SGCZ: variants seen among roughly 807,000 people sequenced by gnomAD.
SGCZ encodes the protein zeta-sarcoglycan.
In SGCZ, 40 loss-of-function variants were observed where a neutral mutation model predicts 41.3. The observed-to-expected ratio is 0.97, with a 90% confidence interval of 0.75 to 1.26. The LOEUF (loss-of-function observed/expected upper bound fraction) is 1.26, where lower values mean the gene tolerates loss of function less well. Among genes scored for constraint, SGCZ ranks in the 50% most tolerant of loss-of-function variants. The pLI, the probability that SGCZ is intolerant of heterozygous loss-of-function variation, is 0.00. For missense variants in SGCZ, 552 were observed against 369.8 expected (o/e 1.49, Z -4.04); for synonymous variants, 206 against 137.5 (o/e 1.50, Z -3.49).
chr8:14,222,847 C>T (rs1451719700), intron 4 of SGCZ, among the ~76,000 whole-genome samples: 2 of 118,556 alleles, frequency 1.7e-5, no homozygotes, highest in African/African-American at 6.8e-5. Context: ...GAGTCTTGCT[C>T]TGTCGCCCAG....
intron 2 of SGCZ, among the ~76,000 whole-genome samples, chr8:14,351,071 C>T (rs1803074775): frequency 6.6e-6 from 1 of 152,024 alleles, no homozygotes; most frequent in African/African-American, 2.4e-5. Context: ...TCTGTAGTGG[C>T]ATTTTGTTTA....
At chr8:14,840,892 C>A (rs867553284) in intron 1 of SGCZ, among the ~76,000 whole-genome samples, 1 of 151,918 alleles carries the variant, frequency 6.6e-6, no homozygotes, top group South Asian at 2.1e-4. Context: ...AATAGCAACT[C>A]CCATAATAAT....
chr8:14,560,792 T>C (rs1020698228), intron 1 of SGCZ, among the ~76,000 whole-genome samples: 3 of 152,042 alleles, frequency 2.0e-5, no homozygotes, highest in Non-Finnish European at 2.9e-5. Flanking sequence ...TTGGTAACTA[T>C]ATCAAATGCC....
chr8:14,495,477 A>T (rs1801962599), intron 2 of SGCZ, among the ~76,000 whole-genome samples: 1 of 152,222 alleles, frequency 6.6e-6, no homozygotes, highest in Non-Finnish European at 1.5e-5. Context: ...TCACTGAAAA[A>T]GTCTGGCTTT....
chr8:14,385,126 G>A (rs1166814297), intron 2 of SGCZ, among the ~76,000 whole-genome samples: 5 of 152,046 alleles, frequency 3.3e-5, no homozygotes, highest in African/African-American at 7.2e-5. Flanking sequence ...GGTTTGTATC[G>A]TTTGGTGATT....
At chr8:14,352,730 C>A (rs1487544727) in intron 2 of SGCZ, among the ~76,000 whole-genome samples, 3 of 152,072 alleles carry the variant, frequency 2.0e-5, no homozygotes, top group Non-Finnish European at 4.4e-5. Context: ...AATATACCTG[C>A]CTATTTTTGC....
chr8:14,143,573 A>G (rs951718447), intron 5 of SGCZ, among the ~76,000 whole-genome samples: 3 of 152,214 alleles, frequency 2.0e-5, no homozygotes, highest in Non-Finnish European at 4.4e-5. Context: ...TTGGAGGTAG[A>G]GCAAGATAGC....
At chr8:14,868,086 C>T (rs77102603) in intron 1 of SGCZ, among the ~76,000 whole-genome samples, 2,127 of 152,242 alleles carry the variant, frequency 0.014, 24 homozygotes, top group African/African-American at 0.035. Flanking sequence ...GTGTCAAACT[C>T]TTTCACACTT....
At chr8:15,194,854 A>T (rs1193834701) in intron 1 of SGCZ, among the ~76,000 whole-genome samples, 1 of 152,176 alleles carries the variant, frequency 6.6e-6, no homozygotes, top group Non-Finnish European at 1.5e-5. Flanking sequence ...CCCAACCTAT[A>T]AGGTAAGTTT....
At chr8:14,854,369 T>C (rs928370539) in intron 1 of SGCZ, among the ~76,000 whole-genome samples, 6 of 152,028 alleles carry the variant, frequency 3.9e-5, no homozygotes, top group Middle Eastern at 3.4e-3. Context: ...ATCAAAAATA[T>C]ATAATTTGTA....
intron 1 of SGCZ, among the ~76,000 whole-genome samples, chr8:14,858,057 G>C (rs1585323547): frequency 6.6e-6 from 1 of 152,016 alleles, no homozygotes; most frequent in Admixed American, 6.6e-5. Context: ...ATTTATTAGA[G>C]TCTCTGTTAT....
At chr8:14,106,565 A>G (rs1026311721) in intron 6 of SGCZ, among the ~76,000 whole-genome samples, 1 of 152,296 alleles carries the variant, frequency 6.6e-6, no homozygotes. Flanking sequence ...TGACTAAAAA[A>G]TTTACTGTTG....
At chr8:14,122,844 G>A (rs1802742615) in intron 5 of SGCZ, among the ~76,000 whole-genome samples, 1 of 151,920 alleles carries the variant, frequency 6.6e-6, no homozygotes, top group Admixed American at 6.6e-5. Context: ...CATCTTAAAG[G>A]TTTCTATTTT....
chr8:14,976,253 C>A (rs549664169), intron 1 of SGCZ, among the ~76,000 whole-genome samples: 2 of 151,988 alleles, frequency 1.3e-5, no homozygotes, highest in East Asian at 1.9e-4. Flanking sequence ...AAACTCCTGA[C>A]CTCAAGTGAT....
chr8:14,904,783 C>T (rs1294044322), intron 1 of SGCZ, among the ~76,000 whole-genome samples: 1 of 151,892 alleles, frequency 6.6e-6, no homozygotes, highest in Admixed American at 6.6e-5. Context: ...ATTTATTTTA[C>T]ACTTTTTGCC....
At chr8:14,349,535 A>G (rs1429979312) in intron 2 of SGCZ, among the ~76,000 whole-genome samples, 1 of 152,124 alleles carries the variant, frequency 6.6e-6, no homozygotes, top group East Asian at 1.9e-4. Flanking sequence ...TAAGAAGCAT[A>G]TGTGTCATCT....
At chr8:14,532,992 T>C (rs186870996) in intron 2 of SGCZ, among the ~76,000 whole-genome samples, 12 of 152,044 alleles carry the variant, frequency 7.9e-5, no homozygotes, top group African/African-American at 1.7e-4. Context: ...AATTGCATTA[T>C]TTCTTTGTTA....
intron 1 of SGCZ, among the ~76,000 whole-genome samples, chr8:14,913,696 TA>T (rs1321056856): frequency 6.6e-6 from 1 of 152,098 alleles, no homozygotes; most frequent in Non-Finnish European, 1.5e-5. Context: ...ATGTGTGGGA[TA>T]TATTTAATAA....
At chr8:14,545,419 T>C (rs1170079183) in intron 2 of SGCZ, among the ~76,000 whole-genome samples, 1 of 152,026 alleles carries the variant, frequency 6.6e-6, no homozygotes, top group Admixed American at 6.6e-5. Context: ...GCTTACTTTT[T>C]TTTTTTTTAC....
Sources: gnomAD v4.1 joint callset for allele counts (sites outside exome capture counted in the v4.1 genomes callset) on GRCh38, gnomAD v4.1.1 for gene constraint, MANE v1.5 for transcripts, NCBI Gene and HGNC (gene_info 2026-07-23, HGNC 2026-07-21) for gene names.